Variants in HECW2 observed in about 807,000 individuals in gnomAD.
The protein encoded by HECW2 is E3 ubiquitin-protein ligase HECW2.
In HECW2, 61 loss-of-function variants were observed where a neutral mutation model predicts 175.2. The ratio of observed to expected loss-of-function variants is 0.35; its 90% confidence interval spans 0.28 to 0.43. The LOEUF (loss-of-function observed/expected upper bound fraction) is 0.43, where lower values mean the gene tolerates loss of function less well. HECW2 is among the 20% of genes least tolerant of loss of function. The pLI, the probability that HECW2 is intolerant of heterozygous loss-of-function variation, is 1.00. For synonymous variants in HECW2, 671 were observed against 731.0 expected, an observed-to-expected ratio of 0.92 and a Z score of 1.32; for missense variants, 1,524 against 2,000.5, an observed-to-expected ratio of 0.76 and a Z score of 4.54.
intron 19 of HECW2, among the ~76,000 whole-genome samples, chr2:196,253,668 T>C (rs750011447): frequency 2.0e-5 from 3 of 152,236 alleles, no homozygotes; most frequent in Admixed American, 6.5e-5. Context: ...TTGTATGATA[T>C]AACATCATGA....
Position 196,231,773 on chromosome 2 carries a change from G to C in HECW2, c.3765-3519C>G, listed in dbSNP as rs995686905. ...GGAGGCTGAGGCAGACGGATCACAA[G>C]GTCAGGACCATCGAGACCATCCTGG... On this transcript the variant is annotated intron_variant, in intron 21 of 28. Coordinates refer to ENST00000644978, the MANE Select transcript of HECW2 (RefSeq NM_001348768.2). 5.5e-4 allele frequency among the ~76,000 whole-genome samples: 4 copies of C among 7,278 alleles called. No homozygotes were observed. In the Non-Finnish European group the frequency reaches 0.043, roughly 79 times the overall value. 4.8% of individuals were successfully genotyped at this position (7,278 alleles called of 152,430 possible). A position where few individuals can be genotyped will look rare whatever the true frequency, so the allele number is the denominator to read the frequency against.
At chr2:196,482,610 G>T (rs1172618487) in intron 1 of HECW2, among the ~76,000 whole-genome samples, 3 of 152,150 alleles carry the variant, frequency 2.0e-5, no homozygotes, top group Non-Finnish European at 4.4e-5. Context: ...CTTGATGGTG[G>T]TGTCAAAGGG....
intron 1 of HECW2, among the ~76,000 whole-genome samples, chr2:196,460,452 T>C (rs540356437): frequency 2.6e-4 from 39 of 151,420 alleles, no homozygotes; most frequent in South Asian, 1.7e-3. Flanking sequence ...TTGAACCAAA[T>C]TGAATGAGGA....
chr2:196,334,326 C>T, intron 4 of HECW2, 98 bp downstream of exon 4: 1 of 874,368 alleles, frequency 1.1e-6, no homozygotes. Flanking sequence ...TTTCCTTTTT[C>T]ATTGTTCCTC....
chr2:196,467,051 T>C (rs1312874698), intron 1 of HECW2, among the ~76,000 whole-genome samples: 2 of 152,160 alleles, frequency 1.3e-5, no homozygotes, highest in Admixed American at 1.3e-4. Flanking sequence ...CTGCTAGGGA[T>C]TACCACAAGT....
intron 14 of HECW2, among the ~76,000 whole-genome samples, chr2:196,287,387 G>A (rs1486045118): frequency 6.6e-6 from 1 of 152,124 alleles, no homozygotes; most frequent in Non-Finnish European, 1.5e-5. Context: ...TGACATTTAT[G>A]ATATGTCACT....
chr2:196,219,909 A>G, intron 26 of HECW2, 130 bp downstream of exon 26: 1 of 638,844 alleles, frequency 1.6e-6, no homozygotes, highest in Non-Finnish European at 2.8e-6. Context: ...CAAGGTCTCA[A>G]GGGAGCCTGC....
intron 1 of HECW2, among the ~76,000 whole-genome samples, chr2:196,439,314 C>T (rs1049338777): frequency 2.0e-5 from 3 of 152,176 alleles, no homozygotes; most frequent in Non-Finnish European, 4.4e-5. Context: ...AGACAGTGAA[C>T]AGAAAGCAAA....
intron 1 of HECW2, among the ~76,000 whole-genome samples, chr2:196,494,045 A>C (rs770354055): frequency 6.6e-6 from 1 of 152,250 alleles, no homozygotes; most frequent in Non-Finnish European, 1.5e-5. Context: ...CACAGACGTC[A>C]TGGCTTTGAG....
At chr2:196,432,619 C>T (rs1234180133) in intron 2 of HECW2, among the ~76,000 whole-genome samples, 1 of 152,146 alleles carries the variant, frequency 6.6e-6, no homozygotes, top group East Asian at 1.9e-4. Context: ...ATGACACTTC[C>T]TTCCCCTAAT....
intron 15 of HECW2, among the ~76,000 whole-genome samples, chr2:196,277,772 T>C (rs949590790): frequency 1.3e-5 from 2 of 152,014 alleles, no homozygotes; most frequent in African/African-American, 2.4e-5. Context: ...GTGGCACATA[T>C]ATACACCATG....
chr2:196,282,818 T>C (rs1298613689), intron 14 of HECW2, among the ~76,000 whole-genome samples: 2 of 152,136 alleles, frequency 1.3e-5, no homozygotes, highest in African/African-American at 2.4e-5. Context: ...GCAAGGCATA[T>C]CCAACCCCCC....
At chr2:196,526,603 G>T (rs1380262983) in intron 1 of HECW2, among the ~76,000 whole-genome samples, 1 of 144,986 alleles carries the variant, frequency 6.9e-6, no homozygotes, top group Non-Finnish European at 1.5e-5. Context: ...CCCCATCTTT[G>T]TGGTTTTATC....
intron 1 of HECW2, among the ~76,000 whole-genome samples, chr2:196,448,023 C>A (rs1232473439): frequency 1.3e-5 from 2 of 152,218 alleles, no homozygotes; most frequent in Non-Finnish European, 2.9e-5. Context: ...TGTGCCACTG[C>A]ACTCCATCCT....
chr2:196,225,851 T>C lies in HECW2; in HGVS notation c.3937A>G (p.Ile1313Val). ...HHEWFRFSGR[I>V]LGLALIHQYL... Reference sequence around the variant, plus strand: ...TGGTGTATTAGTGCAAGACCAAGGATCCTACCACTGAATCGGAACCTGTGA... The same window carrying C: ...TGGTGTATTAGTGCAAGACCAAGGACCCTACCACTGAATCGGAACCTGTGA... Residue 1313 changes from isoleucine to valine, a missense_variant, in exon 23 of 29, where the codon ATC (isoleucine) becomes GTC (valine). Physicochemically the swap from Ile to Val is conservative, Grantham distance 29. Around this residue, in one of 11 missense-constraint regions of HECW2, gnomAD observed 16 missense variants for 23.9 expected, o/e 0.67. Coordinates refer to ENST00000644978, the MANE Select transcript of HECW2 (RefSeq NM_001348768.2). The C allele has an allele frequency of 1.2e-6, 2 of 1,611,938 alleles. No individual in the cohort carries two copies. The highest frequency in any genetic ancestry group is 8.5e-7 in the Non-Finnish European group (1 of 1,178,072).
At chr2:196,454,211 C>T (rs1003949695) in intron 1 of HECW2, among the ~76,000 whole-genome samples, 3 of 152,052 alleles carry the variant, frequency 2.0e-5, no homozygotes, top group Non-Finnish European at 2.9e-5. Context: ...CCGCCCGCCT[C>T]GCCAGATTTA....
intron 19 of HECW2, among the ~76,000 whole-genome samples, chr2:196,252,293 A>G (rs1272275284): frequency 2.0e-5 from 3 of 151,768 alleles, no homozygotes; most frequent in Non-Finnish European, 4.4e-5. Context: ...GTATCTATTA[A>G]CTTACTTGTA....
intron 1 of HECW2, among the ~76,000 whole-genome samples, chr2:196,459,137 T>C (rs1696635620): frequency 6.6e-6 from 1 of 152,200 alleles, no homozygotes; most frequent in Non-Finnish European, 1.5e-5. Flanking sequence ...AAATGTTAAA[T>C]TCTGCACATA....
chr2:196,294,157 T>C (rs1690715796), intron 13 of HECW2, among the ~76,000 whole-genome samples: 1 of 151,730 alleles, frequency 6.6e-6, no homozygotes, highest in South Asian at 2.1e-4. Context: ...AGTCTTCATT[T>C]CTATGATATT....
Sources: allele counts gnomAD v4.1 joint callset (sites outside exome capture counted in the v4.1 genomes callset), GRCh38; gene constraint gnomAD v4.1.1; regional missense constraint gnomAD v4.1.1; transcripts MANE v1.5; gene names NCBI Gene and HGNC (gene_info 2026-07-23, HGNC 2026-07-21).